Variants in BEND3 observed in about 807,000 individuals in gnomAD.
BEND3 encodes BEN domain-containing protein 3.
BEND3 carries 13 observed loss-of-function variants against 60.1 expected under a neutral mutation model. That is an observed-to-expected ratio of 0.22 (90% CI 0.14 to 0.34). The LOEUF (loss-of-function observed/expected upper bound fraction) is 0.34. Ranked by LOEUF, BEND3 falls within the 10% of genes least tolerant of loss-of-function variation. The pLI is 1.00. For synonymous variants in BEND3, 497 were observed against 491.5 expected, an observed-to-expected ratio of 1.01 and a Z score of -0.15; for missense variants, 896 against 1,138.1, an observed-to-expected ratio of 0.79 and a Z score of 3.06.
intron 3 of BEND3, among the ~76,000 whole-genome samples, chr6:107,092,113 C>G (rs149312105): frequency 6.6e-6 from 1 of 151,994 alleles, no homozygotes; most frequent in Non-Finnish European, 1.5e-5. Flanking sequence ...AAACATTAGC[C>G]GGGTGTAGTG....
chr6:107,069,132 G>A lies in BEND3; in HGVS notation c.2059C>T (p.Pro687Ser), dbSNP rs782606595. 6.8e-6 allele frequency: 11 copies of A among 1,612,736 alleles called. No homozygotes were observed. The highest frequency in any genetic ancestry group is 1.7e-4 in the Middle Eastern group (1 of 5,790). ...PERFREEFEG[P>S]PLPPERSSKD... is the part of the protein sequence containing the mutation. ...CTGCTCCTCTCGGGGGGCAGTGGGG[G>A]CCCCTCAAACTCCTCCCGGAACCTC... The change falls in exon 4 of 4, where the codon CCC becomes TCC. Residue 687 changes from proline to serine, a missense_variant. Around this residue, in one of 4 missense-constraint regions of BEND3, gnomAD observed 846 missense variants for 1,036.7 expected, o/e 0.82. Coordinates refer to ENST00000369042, the MANE Select transcript of BEND3 (RefSeq NM_001367314.1).
chr6:107,105,392 AAAG>A (rs1775791788), intron 1 of BEND3, among the ~76,000 whole-genome samples: 1 of 151,820 alleles, frequency 6.6e-6, no homozygotes, highest in Non-Finnish European at 1.5e-5. Context: ...AAAAAAAAAA[AAAG>A]AACTGGGATG....
chr6:107,069,084 A>C lies in BEND3; in HGVS notation c.2107T>G (p.Leu703Val). 1 of 1,612,932 alleles carries C rather than the reference A, an allele frequency of 6.2e-7. No homozygotes were observed. The highest frequency in any genetic ancestry group is 8.5e-7 in the Non-Finnish European group (1 of 1,179,920). The change falls in exon 4 of 4, where the codon TTG (leucine) becomes GTG (valine). Residue 703 changes from leucine to valine, a missense_variant. By Grantham distance (32) the Leu-to-Val change is conservative (BLOSUM62 1). Coordinates refer to ENST00000369042, the MANE Select transcript of BEND3 (RefSeq NM_001367314.1). The stretch of plus-strand genomic sequence containing the variant: ...GGCGAGGGGACCACCAGCTCGTCCA[A>C]GGGGATCTTGCAAAAGTCCTTGCTG... ...RSSKDFCKIPLDELVVPSPDF... is the reference protein window; with the variant it reads ...RSSKDFCKIPVDELVVPSPDF...
At chr6:107,094,899 C>T (rs1554235762) in intron 3 of BEND3, among the ~76,000 whole-genome samples, 1 of 148,414 alleles carries the variant, frequency 6.7e-6, no homozygotes, top group East Asian at 2.0e-4. Flanking sequence ...TGGTTCACGG[C>T]AGCCCCGACC....
At chr6:107,109,315 G>C (rs148487400) in intron 1 of BEND3, among the ~76,000 whole-genome samples, 1 of 150,974 alleles carries the variant, frequency 6.6e-6, no homozygotes, top group African/African-American at 2.4e-5. Context: ...ATGGTGGCAC[G>C]GGCCTGTAAT....
intron 3 of BEND3, among the ~76,000 whole-genome samples, chr6:107,095,085 G>A (rs1472903574): frequency 6.6e-6 from 1 of 151,950 alleles, no homozygotes; most frequent in Admixed American, 6.6e-5. Context: ...AGCCTCCCAA[G>A]ATGCAAGGAT....
intron 1 of BEND3, among the ~76,000 whole-genome samples, chr6:107,113,159 A>AC (rs1240079765): frequency 6.6e-6 from 1 of 151,456 alleles, no homozygotes; most frequent in African/African-American, 2.4e-5. Flanking sequence ...TCTGTCTAAA[A>AC]AAAAAAAGCA....
At position 107,069,085 on chromosome 6, in the gene BEND3, G is replaced by A. The variant is rs1017783158; in HGVS notation, c.2106C>T (p.Pro702=). Residue 702 remains proline (P), a synonymous_variant, in exon 4 of 4, where the codon CCC becomes CCT. Coordinates refer to ENST00000369042, the MANE Select transcript of BEND3 (RefSeq NM_001367314.1). Reference sequence around the variant, plus strand: ...GCGAGGGGACCACCAGCTCGTCCAAGGGGATCTTGCAAAAGTCCTTGCTGC... The same window carrying A: ...GCGAGGGGACCACCAGCTCGTCCAAAGGGATCTTGCAAAAGTCCTTGCTGC... ...ERSSKDFCKI[P]LDELVVPSPD... The A allele has an allele frequency of 3.1e-6, 5 of 1,613,264 alleles. No individual in the cohort carries two copies. The highest frequency in any genetic ancestry group is 3.3e-4 in the Middle Eastern group (2 of 5,998).
chr6:107,086,433 G>GGTGAAAC (rs566220858), intron 3 of BEND3, among the ~76,000 whole-genome samples: 1,917 of 151,776 alleles, frequency 0.013, 49 homozygotes, highest in African/African-American at 0.044. Context: ...TGGCCAACAT[G>GGTGAAAC]GTGAAACCCT....
At chr6:107,095,811 G>A (rs1775574256) in intron 3 of BEND3, among the ~76,000 whole-genome samples, 1 of 152,196 alleles carries the variant, frequency 6.6e-6, no homozygotes, top group Non-Finnish European at 1.5e-5. Flanking sequence ...CACATTGTAT[G>A]ATTCCAACTT....
chr6:107,088,217 C>T (rs1254477289), intron 3 of BEND3, among the ~76,000 whole-genome samples: 1 of 151,678 alleles, frequency 6.6e-6, no homozygotes, highest in Non-Finnish European at 1.5e-5. Flanking sequence ...GTAGGCTGGA[C>T]ACGGCTGAAA....
Position 107,098,554 on chromosome 6 carries a change from G to A in BEND3, c.237C>T (p.Pro79=), listed in dbSNP as rs142677750. ...VPGVKRRRLI[P]EALLAGMRNR... ...GTGACAGCAGCTAGGCCCTCACCTC[G>A]GGGATCAGCCGCCTCCTCTTCACGC... Residue 79 remains proline (P), a synonymous_variant, in exon 3 of 4, where the codon CCC becomes CCT. Transcript: ENST00000369042. 2.3e-5 allele frequency: 37 copies of A among 1,612,160 alleles called. No homozygotes were observed. The East Asian group carries it at 5.6e-4, about 24-fold the overall frequency.
chr6:107,112,635 C>G (rs1249625241), intron 1 of BEND3, among the ~76,000 whole-genome samples: 2 of 151,990 alleles, frequency 1.3e-5, no homozygotes, highest in Non-Finnish European at 2.9e-5. Context: ...TGGCGAATGA[C>G]CTGAGGTCGG....
intron 3 of BEND3, among the ~76,000 whole-genome samples, chr6:107,096,702 G>A (rs538660026): frequency 1.3e-5 from 2 of 152,316 alleles, no homozygotes; most frequent in South Asian, 4.1e-4. Context: ...TCAGTAGCTG[G>A]AAAAGTAGGG....
rs138373145 is a variant in BEND3 at position 107,090,836 on chromosome 6, C to T, written c.240+7715G>A. 2.7e-3 allele frequency among the ~76,000 whole-genome samples: 413 copies of T among 152,060 alleles called. 2 individuals are homozygous for T. Among genetic ancestry groups the T allele is most frequent in the African/African-American group, 7.5e-3 (313 of 41,488 alleles). The stretch of plus-strand genomic sequence containing the variant: ...TAAAAAAAGATAAAATTAGGCCAGG[C>T]GCAGTGGCTCATGCCTGTAATCCCA... On this transcript the variant is annotated intron_variant, in intron 3 of 3. Transcript: ENST00000369042.
At chr6:107,106,643 C>G (rs1554237540) in intron 1 of BEND3, among the ~76,000 whole-genome samples, 1 of 152,044 alleles carries the variant, frequency 6.6e-6, no homozygotes. Context: ...GGGGGTCTTG[C>G]TCTGTTACCC....
rs1350031359 is a variant in BEND3 at position 107,068,527 on chromosome 6, G to T, written c.*177C>A. Reference sequence around the variant, plus strand: ...GTAAGTACAAGAGACCAAACTCAAGGCTTCTTTCTTGCGGTTGGGTGGGTG... The same window carrying T: ...GTAAGTACAAGAGACCAAACTCAAGTCTTCTTTCTTGCGGTTGGGTGGGTG... On this transcript the variant is annotated 3_prime_UTR_variant, in exon 4 of 4. Coordinates refer to ENST00000369042, the MANE Select transcript of BEND3 (RefSeq NM_001367314.1). This position sits in a 1 kb window ranked among gnomAD's most constrained non-coding sequence, Gnocchi z 5.8. 4 of 697,574 alleles carry T rather than the reference G, an allele frequency of 5.7e-6. No individual in the cohort carries two copies. The highest frequency in any genetic ancestry group is 1.8e-5 in the African/African-American group (1 of 55,468). The allele number at this position is 697,574 out of a possible 1,614,324, so 43.2% of individuals were successfully genotyped here.
At chr6:107,075,485 A>C (rs2115000826) in intron 3 of BEND3, among the ~76,000 whole-genome samples, 1 of 152,308 alleles carries the variant, frequency 6.6e-6, no homozygotes, top group South Asian at 2.1e-4. Flanking sequence ...ATTCCTGTAG[A>C]ATGTAAAGTA....
rs572675808 is a variant in BEND3, at chr6:107,105,666, G to A, written c.-11-6370C>T. Among the ~76,000 whole-genome samples, 41 of 152,260 alleles carry A rather than the reference G, an allele frequency of 2.7e-4. No individual in the cohort carries two copies. In the South Asian group the frequency reaches 5.0e-3, roughly 18 times the overall value. The stretch of plus-strand genomic sequence containing the variant: ...GGCCGGGGAGTCACACAGGACAAGC[G>A]GCAGGCCCAGAAATGGGAAGTACTT... On this transcript the variant is annotated intron_variant, in intron 1 of 3. Transcript: ENST00000369042.
Sources: allele counts gnomAD v4.1 joint callset (sites outside exome capture counted in the v4.1 genomes callset), GRCh38; gene constraint gnomAD v4.1.1; regional missense constraint gnomAD v4.1.1; non-coding constraint Gnocchi (gnomAD v3.1); transcripts MANE v1.5; gene names NCBI Gene and HGNC (gene_info 2026-07-23, HGNC 2026-07-21).